GPR158: variants seen among roughly 807,000 people sequenced by gnomAD.
The protein encoded by GPR158 is metabotropic glycine receptor.
GPR158 carries 30 observed loss-of-function variants against 78.2 expected under a neutral mutation model. The ratio of observed to expected loss-of-function variants is 0.38; its 90% CI spans 0.29 to 0.52. The LOEUF is 0.52. Ranked by LOEUF, GPR158 falls within the 20% of genes least tolerant of loss-of-function variation. The pLI, the probability that GPR158 is intolerant of heterozygous loss-of-function variation, is 0.83. For missense variants in GPR158, 1,463 were observed against 1,523.5 expected (o/e 0.96, Z 0.66); for synonymous variants, 581 against 591.1 (o/e 0.98, Z 0.25).
intron 3 of GPR158, among the ~76,000 whole-genome samples, chr10:25,399,958 A>G (rs769097274): frequency 8.4e-4 from 128 of 152,324 alleles, no homozygotes; most frequent in South Asian, 2.7e-3. Flanking sequence ...TAGGGACCCA[A>G]CATATGAGCT....
chr10:25,262,654 C>A (rs144172482), intron 2 of GPR158, among the ~76,000 whole-genome samples: 190 of 152,164 alleles, frequency 1.2e-3, no homozygotes, highest in Middle Eastern at 3.4e-3. Context: ...ACATGTGGAA[C>A]CTCCCCCACT....
intron 2 of GPR158, among the ~76,000 whole-genome samples, chr10:25,267,336 C>T (rs533269855): frequency 6.6e-6 from 1 of 152,058 alleles, no homozygotes; most frequent in South Asian, 2.1e-4. Flanking sequence ...GACATAGTGG[C>T]AGGAGAGAGA....
At position 25,202,484 on chromosome 10, in the gene GPR158, A is replaced by G. The variant is rs1376335676; in HGVS notation, c.903-18568A>G. On this transcript the variant is annotated intron_variant, in intron 1 of 10. Coordinates refer to ENST00000376351, the MANE Select transcript of GPR158 (RefSeq NM_020752.3). ...TGTTCTCATTGTTCAATTCCCACCT[A>G]TGAGTGAGAACATGCAGTGTTTGGT... 2.6e-5 allele frequency among the ~76,000 whole-genome samples: 4 copies of G among 152,030 alleles called. No homozygotes were observed. The East Asian group carries it at 7.7e-4, about 29-fold the overall frequency.
intron 2 of GPR158, among the ~76,000 whole-genome samples, chr10:25,394,929 T>C (rs1341310079): frequency 6.6e-6 from 1 of 152,152 alleles, no homozygotes; most frequent in Non-Finnish European, 1.5e-5. Context: ...TTATAATTCT[T>C]AAATTCACTA....
chr10:25,379,950 A>G (rs1371726369), intron 2 of GPR158, among the ~76,000 whole-genome samples: 4 of 138,498 alleles, frequency 2.9e-5, no homozygotes, highest in Non-Finnish European at 6.3e-5. Flanking sequence ...AAGCTTTCTT[A>G]TGCCTCTCCA....
intron 1 of GPR158, among the ~76,000 whole-genome samples, chr10:25,177,528 A>C (rs1176691390): frequency 6.6e-6 from 1 of 152,168 alleles, no homozygotes; most frequent in East Asian, 1.9e-4. Context: ...TGACCTGCTG[A>C]AAGATGCCAG....
chr10:25,244,596 A>C (rs918724351), intron 2 of GPR158: 1 of 152,080 alleles, frequency 6.6e-6, no homozygotes, highest in Non-Finnish European at 1.5e-5. Flanking sequence ...ATAGTGGCCA[A>C]AGTGCAGACC....
chr10:25,371,331 G>A (rs150034032), intron 2 of GPR158, among the ~76,000 whole-genome samples: 23,805 of 151,622 alleles, frequency 0.16, 2,158 homozygotes, highest in African/African-American at 0.25. Context: ...CATGTTTAGC[G>A]CTTCCTTCAG....
At chr10:25,302,698 C>T (rs1483972155) in intron 2 of GPR158, among the ~76,000 whole-genome samples, 2 of 152,160 alleles carry the variant, frequency 1.3e-5, no homozygotes, top group African/African-American at 4.8e-5. Context: ...AGCTTGCGAG[C>T]CATACAAAAA....
intron 5 of GPR158, among the ~76,000 whole-genome samples, chr10:25,521,586 G>A (rs1262498702): frequency 6.6e-6 from 1 of 152,124 alleles, no homozygotes; most frequent in African/African-American, 2.4e-5. Context: ...GTGATCTTTT[G>A]GGGGCATTAA....
At chr10:25,512,003 T>C (rs1042066640) in intron 5 of GPR158, among the ~76,000 whole-genome samples, 2 of 152,114 alleles carry the variant, frequency 1.3e-5, no homozygotes, top group African/African-American at 4.8e-5. Context: ...TTAGTCTTGC[T>C]TTGGTTATGC....
chr10:25,593,944 T>A (rs917143083), intron 8 of GPR158, among the ~76,000 whole-genome samples: 6 of 152,200 alleles, frequency 3.9e-5, no homozygotes, highest in African/African-American at 1.4e-4. Flanking sequence ...AACTGATAAC[T>A]CTACAAATTT....
At chr10:25,304,949 T>G (rs760592084) in intron 2 of GPR158, among the ~76,000 whole-genome samples, 3 of 152,202 alleles carry the variant, frequency 2.0e-5, no homozygotes, top group Non-Finnish European at 4.4e-5. Flanking sequence ...AGTACATTCT[T>G]TTGGAGGTGA....
At chr10:25,291,547 C>G (rs1460632247) in intron 2 of GPR158, among the ~76,000 whole-genome samples, 2 of 151,926 alleles carry the variant, frequency 1.3e-5, no homozygotes, top group Non-Finnish European at 2.9e-5. Flanking sequence ...TTTTAATATT[C>G]TCAGTGTTGG....
chr10:25,351,080 T>A (rs1049609041), intron 2 of GPR158, among the ~76,000 whole-genome samples: 3 of 152,090 alleles, frequency 2.0e-5, no homozygotes, highest in East Asian at 3.9e-4. Context: ...GTGACACCTA[T>A]ACAGCCTGTG....
intron 2 of GPR158, among the ~76,000 whole-genome samples, chr10:25,237,884 A>G (rs1462399316): frequency 6.6e-6 from 1 of 151,482 alleles, no homozygotes; most frequent in Non-Finnish European, 1.5e-5. Flanking sequence ...TCACCTTTCC[A>G]TTTCTTCCTG....
chr10:25,371,430 G>T (rs541261472), intron 2 of GPR158, among the ~76,000 whole-genome samples: 18 of 151,910 alleles, frequency 1.2e-4, no homozygotes, highest in African/African-American at 4.1e-4. Flanking sequence ...AAAGCTGGAG[G>T]CATCATGCTA....
At chr10:25,524,413 C>A (rs377215890) in intron 5 of GPR158, among the ~76,000 whole-genome samples, 11 of 152,116 alleles carry the variant, frequency 7.2e-5, no homozygotes, top group Admixed American at 5.9e-4. Flanking sequence ...CTGTGCTGAT[C>A]AAGATAATGT....
chr10:25,522,517 G>A (rs1243659540), intron 5 of GPR158, among the ~76,000 whole-genome samples: 1 of 152,130 alleles, frequency 6.6e-6, no homozygotes, highest in South Asian at 2.1e-4. Context: ...AGATGTTGGG[G>A]GGAAATGACT....
Sources: gnomAD v4.1 joint callset for allele counts (sites outside exome capture counted in the v4.1 genomes callset) on GRCh38, gnomAD v4.1.1 for gene constraint, MANE v1.5 for transcripts, NCBI Gene and HGNC (gene_info 2026-07-23, HGNC 2026-07-21) for gene names.